Variants in AUTS2 observed in about 807,000 individuals in gnomAD.
AUTS2 encodes the protein autism susceptibility gene 2 protein.
AUTS2 carries 17 observed loss-of-function variants against 112.4 expected under a neutral mutation model. The observed-to-expected ratio is 0.15, with a 90% CI of 0.10 to 0.23. The LOEUF is 0.23. AUTS2 is among the 10% of genes least tolerant of loss of function. AUTS2 has a pLI of 1.00. For missense variants in AUTS2, 1,510 were observed against 1,701.6 expected, an observed-to-expected ratio of 0.89 and a Z score of 1.98; for synonymous variants, 751 against 702.7, an observed-to-expected ratio of 1.07 and a Z score of -1.09.
At chr7:69,924,805 C>A (rs1484075005) in intron 2 of AUTS2, among the ~76,000 whole-genome samples, 1 of 152,182 alleles carries the variant, frequency 6.6e-6, no homozygotes, top group African/African-American at 2.4e-5. Flanking sequence ...TCTGCCTCTG[C>A]CTCCCAAAGT....
At chr7:70,751,004 G>A (rs1377733439) in intron 6 of AUTS2, among the ~76,000 whole-genome samples, 1 of 152,220 alleles carries the variant, frequency 6.6e-6, no homozygotes, top group Non-Finnish European at 1.5e-5. Context: ...GAGTGTGAAA[G>A]TTATTAGCTA....
intron 2 of AUTS2, among the ~76,000 whole-genome samples, chr7:69,979,501 T>C (rs1798204492): frequency 6.6e-6 from 1 of 152,266 alleles, no homozygotes; most frequent in Admixed American, 6.5e-5. Context: ...TTTTTCAAGT[T>C]AGTACAAGGA....
chr7:70,772,257 C>T (rs146152256), intron 11 of AUTS2, among the ~76,000 whole-genome samples: 10 of 152,294 alleles, frequency 6.6e-5, no homozygotes, highest in African/African-American at 2.4e-4. Context: ...AAGACTTTGT[C>T]ATCAGTTACT....
chr7:70,161,671 G>C (rs945312101), intron 4 of AUTS2, among the ~76,000 whole-genome samples: 1 of 151,140 alleles, frequency 6.6e-6, no homozygotes, highest in Non-Finnish European at 1.5e-5. Flanking sequence ...GGCATATTTT[G>C]TACCACCAGT....
chr7:70,626,122 A>C (rs946971278), intron 5 of AUTS2, among the ~76,000 whole-genome samples: 9 of 152,002 alleles, frequency 5.9e-5, no homozygotes, highest in African/African-American at 2.2e-4. Context: ...CATATTGGTC[A>C]GGCTGGTCTC....
chr7:70,284,708 CT>C (rs1788376790), intron 4 of AUTS2, among the ~76,000 whole-genome samples: 1 of 152,108 alleles, frequency 6.6e-6, no homozygotes, highest in South Asian at 2.1e-4. Context: ...TTTGAGGTAA[CT>C]TTCTCAAGTT....
intron 2 of AUTS2, among the ~76,000 whole-genome samples, chr7:70,060,446 G>A (rs1802191213): frequency 6.6e-6 from 1 of 152,176 alleles, no homozygotes; most frequent in South Asian, 2.1e-4. Flanking sequence ...AGTCCTGTGG[G>A]CGGGGCTGGC....
chr7:70,001,680 G>C (rs1234383725), intron 2 of AUTS2, among the ~76,000 whole-genome samples: 2 of 151,316 alleles, frequency 1.3e-5, no homozygotes, highest in Admixed American at 1.3e-4. Flanking sequence ...CAAGGCTCCT[G>C]ATGCAATTGA....
At chr7:69,858,189 C>T (rs374486502) in intron 1 of AUTS2, among the ~76,000 whole-genome samples, 54 of 152,288 alleles carry the variant, frequency 3.5e-4, no homozygotes, top group South Asian at 2.5e-3. Flanking sequence ...TCAGAGTGCA[C>T]GTCCTTCGTG....
In AUTS2 at chr7:70,486,906, C is replaced by CA. The variant is rs540573679; in HGVS notation, c.690+51125_690+51126insA. 1.2e-3 allele frequency among the ~76,000 whole-genome samples: 137 copies of CA among 118,946 alleles called. 1 individual carries two copies. Among genetic ancestry groups the CA allele is most frequent in the Non-Finnish European group, 1.8e-3 (102 of 58,058 alleles). 78.0% of individuals were successfully genotyped at this position (118,946 alleles called of 152,430 possible). On this transcript the variant is annotated intron_variant, in intron 5 of 18. Transcript: ENST00000342771. ...TTTGTTGTTTTTGTATTCCCCCCCC[C>CA]CCAAAAAAAAAGAAGAAAAGGTTGC...
intron 1 of AUTS2, among the ~76,000 whole-genome samples, chr7:69,628,818 T>G (rs955184507): frequency 6.6e-6 from 1 of 152,128 alleles, no homozygotes; most frequent in Non-Finnish European, 1.5e-5. Context: ...GGGTTACAAT[T>G]CAACATGAGA....
chr7:70,010,283 C>G (rs1563036665), intron 2 of AUTS2, among the ~76,000 whole-genome samples: 4 of 152,208 alleles, frequency 2.6e-5, no homozygotes, highest in South Asian at 4.1e-4. Context: ...GTGGCTAGTA[C>G]TACAGTCGTG....
chr7:70,476,386 T>C (rs1000302701), intron 5 of AUTS2, among the ~76,000 whole-genome samples: 2 of 152,062 alleles, frequency 1.3e-5, no homozygotes, highest in African/African-American at 4.8e-5. Context: ...CTCCCAACCT[T>C]TCAAATATAT....
intron 5 of AUTS2, among the ~76,000 whole-genome samples, chr7:70,442,325 A>G (rs1562959280): frequency 3.9e-5 from 6 of 152,212 alleles, no homozygotes. Flanking sequence ...CACCTCATAC[A>G]GTCGCAATGT....
rs1490487498 is a variant in AUTS2 at position 70,694,012 on chromosome 7, G to C, written c.691-4557G>C. The C allele has an allele frequency of 6.6e-6, 1 of 151,694 alleles. No homozygotes were observed. Among genetic ancestry groups the C allele is most frequent in the African/African-American group, 2.4e-5 (1 of 41,396 alleles). 9.4% of individuals were successfully genotyped at this position (151,694 alleles called of 1,614,324 possible). ...GGGACGGAGGAGGGGCGGTGGCACC[G>C]GCGGCTCGGGCTCGGCGCGCCGAGG... is the stretch of plus-strand genomic sequence containing the variant. On this transcript the variant is annotated intron_variant, in intron 5 of 18. Coordinates refer to ENST00000342771, the MANE Select transcript of AUTS2 (RefSeq NM_015570.4). The surrounding 1 kb of genome is among the most constrained non-coding windows in gnomAD (Gnocchi z 4.1).
At chr7:70,549,916 C>T (rs1585288918) in intron 5 of AUTS2, among the ~76,000 whole-genome samples, 1 of 152,112 alleles carries the variant, frequency 6.6e-6, no homozygotes, top group East Asian at 1.9e-4. Flanking sequence ...TCATGTCTAC[C>T]TATTGTTTTA....
intron 5 of AUTS2, among the ~76,000 whole-genome samples, chr7:70,643,023 T>A (rs934680311): frequency 3.3e-5 from 5 of 152,230 alleles, no homozygotes; most frequent in Non-Finnish European, 7.3e-5. Context: ...TTTGATTTTT[T>A]AAATGTTTTT....
chr7:70,681,862 C>T (rs1368462820), intron 5 of AUTS2, among the ~76,000 whole-genome samples: 2 of 152,186 alleles, frequency 1.3e-5, no homozygotes, highest in Non-Finnish European at 2.9e-5. Flanking sequence ...GCATATTCGA[C>T]CCCATGTTTT....
intron 2 of AUTS2, among the ~76,000 whole-genome samples, chr7:69,985,761 CTTT>C (rs772444694): frequency 2.8e-5 from 4 of 143,818 alleles, no homozygotes; most frequent in Admixed American, 7.0e-5. Flanking sequence ...GCCCCCTTTA[CTTT>C]TTTTTTTTTT....
Sources: allele counts gnomAD v4.1 joint callset (sites outside exome capture counted in the v4.1 genomes callset), GRCh38; gene constraint gnomAD v4.1.1; non-coding constraint Gnocchi (gnomAD v3.1); transcripts MANE v1.5; gene names NCBI Gene and HGNC (gene_info 2026-07-23, HGNC 2026-07-21).